The following PLPP5 variants were observed in gnomAD, a reference collection of about 807,000 sequenced individuals.
PLPP5 encodes the protein diacylglycerol pyrophosphate like 1.
In PLPP5, 29 loss-of-function variants were observed where a neutral mutation model predicts 23.6. The observed-to-expected ratio is 1.23, with a 90% CI of 0.92 to 1.68. PLPP5 has a LOEUF of 1.68. Ranked by LOEUF, PLPP5 falls within the 40% of genes most tolerant of loss-of-function variation. The pLI, the probability that PLPP5 is intolerant of heterozygous loss-of-function variation, is 0.00. For missense variants in PLPP5, 315 were observed against 332.1 expected (o/e 0.95, Z 0.40); for synonymous variants, 143 against 131.3 (o/e 1.09, Z -0.61).
At position 38,264,274 on chromosome 8, in the gene PLPP5, G is replaced by C; in HGVS notation, c.*170C>G. ...GCAATTCTCCTACCTCAGCCTCCCA[G>C]GTAGCTGGGATTACGGCACACAACT... is the stretch of plus-strand genomic sequence containing the variant. On this transcript the variant is annotated 3_prime_UTR_variant, in exon 7 of 7. Transcript: ENST00000424479. The C allele has an allele frequency of 1.4e-6, 1 of 731,904 alleles. No individual in the cohort carries two copies. The highest frequency in any genetic ancestry group is 1.9e-6 in the Non-Finnish European group (1 of 519,928). 45.3% of individuals were successfully genotyped at this position (731,904 alleles called of 1,614,324 possible). A position where few individuals can be genotyped will look rare whatever the true frequency, so the allele number is the denominator to read the frequency against.
intron 5 of PLPP5, chr8:38,266,906 C>T (rs1585809999): frequency 4.5e-6 from 2 of 444,348 alleles, no homozygotes; most frequent in East Asian, 6.8e-5. Context: ...CAATAGTCCC[C>T]ACCTCATTGG....
rs760550860 is a variant in PLPP5, at chr8:38,269,004, AAG to A, written c.75-16_75-15del. On this transcript the variant is annotated splice_polypyrimidine_tract_variant and intron_variant, in intron 1 of 6. Coordinates refer to ENST00000424479, the MANE Select transcript of PLPP5 (RefSeq NM_001102559.2). ...AGCTCCGTCACCCTAGAGGGGAACA[AAG>A]AAGCGCAGAGCAGGTCGCCTGGCTT... 6.4e-7 allele frequency: 1 copy of A among 1,571,532 alleles called. No individual in the cohort carries two copies. Among genetic ancestry groups the A allele is most frequent in the South Asian group, 1.2e-5 (1 of 86,766 alleles).
Position 38,264,231 on chromosome 8 carries a change from T to A in PLPP5, c.*213A>T. On this transcript the variant is annotated 3_prime_UTR_variant, in exon 7 of 7. Coordinates refer to ENST00000424479, the MANE Select transcript of PLPP5 (RefSeq NM_001102559.2). ...GGTGCGATCTCGGCTCACTGGAACC[T>A]CCAGCTCCCAGGTTCAAGCAATTCT... 1 of 839,218 alleles carries A rather than the reference T, an allele frequency of 1.2e-6. No homozygotes were observed. The highest frequency in any genetic ancestry group is 1.6e-6 in the Non-Finnish European group (1 of 636,072). The allele number at this position is 839,218 out of a possible 1,614,324, so 52.0% of individuals were successfully genotyped here.
chr8:38,266,548 G>A (rs1288916168), intron 5 of PLPP5: 1 of 400,100 alleles, frequency 2.5e-6, no homozygotes, highest in Non-Finnish European at 4.5e-6. Context: ...CTCCATGTGT[G>A]TGCCACCATG....
Position 38,267,299 on chromosome 8 carries a change from C to T in PLPP5, c.431G>A (p.Gly144Asp), listed in dbSNP as rs764902567. The T allele has an allele frequency of 6.2e-7, 1 of 1,613,984 alleles. No homozygotes were observed. The highest frequency in any genetic ancestry group is 1.1e-5 in the South Asian group (1 of 91,078). Reference sequence around the variant, plus strand: ...ATGTCCACTGGGGAAGCTCTTTCGGCCCTCATTCACCACGTCCTTATCCCC... The same window carrying T: ...ATGTCCACTGGGGAAGCTCTTTCGGTCCTCATTCACCACGTCCTTATCCCC... ...CTGDKDVVNE[G>D]RKSFPSGHSS... is the part of the protein sequence containing the mutation. Residue 144 changes from glycine to aspartate, a missense_variant, in exon 5 of 7, where the codon GGC becomes GAC. Physicochemically the swap from Gly to Asp is moderately conservative, Grantham distance 94. Transcript: ENST00000424479.
Position 38,264,553 on chromosome 8 carries a change from C to T in PLPP5, c.686G>A (p.Arg229Gln), listed in dbSNP as rs145636692. 67 of 1,581,560 alleles carry T rather than the reference C, an allele frequency of 4.2e-5. No homozygotes were observed. The East Asian group carries it at 1.3e-3, about 31-fold the overall frequency. Residue 229 changes from arginine to glutamine, a missense_variant, in exon 7 of 7, where the codon CGG (arginine) becomes CAG (glutamine). Arg to Gln is a conservative substitution (Grantham distance 43). Coordinates refer to ENST00000424479, the MANE Select transcript of PLPP5 (RefSeq NM_001102559.2). The part of the protein sequence containing the change: ...IGMTFAYVCY[R>Q]QYYPPLTDAE... ...ATCAGTCAGAGGAGGATAATACTGCCGATAGCAGACATAGGCAAATGTCAT... is the reference window on the plus strand; with the variant it reads ...ATCAGTCAGAGGAGGATAATACTGCTGATAGCAGACATAGGCAAATGTCAT...
intron 2 of PLPP5, 191 bp from the exon 3 acceptor site, chr8:38,268,652 G>A: frequency 7.0e-7 from 1 of 1,435,242 alleles, no homozygotes; most frequent in Non-Finnish European, 9.1e-7. Context: ...GGTACCTCAG[G>A]CTGAGGCACA....
chr8:38,268,916 AC>A lies in PLPP5; in HGVS notation c.148del (p.Val50TrpfsTer22). 1 of 1,559,306 alleles carries A rather than the reference AC, an allele frequency of 6.4e-7. No individual in the cohort carries two copies. Among genetic ancestry groups the A allele is most frequent in the Non-Finnish European group, 8.6e-7 (1 of 1,157,672 alleles). ...EEMWLYRNPYVEAEYFPTKPM... is the reference protein window; with the variant it reads ...EEMWLYRNPYXEAEYFPTKPM... ...CTTGGTGGGGAAATACTCCGCCTCC[AC>A]GTAGGGGTTCCGGTAGAGCCACATC... On this transcript the variant is annotated frameshift_variant, in exon 2 of 7. Transcript: ENST00000424479. LOFTEE classifies it high-confidence loss of function.
At chr8:38,267,213 T>TA in intron 5 of PLPP5, 54 bp downstream of exon 5, 3 of 1,613,578 alleles carry the variant, frequency 1.9e-6, no homozygotes, top group Non-Finnish European at 2.5e-6. Flanking sequence ...CTTTCTAGGT[T>TA]AAATTCAATG....
chr8:38,267,310 C>T lies in PLPP5; in HGVS notation c.420G>A (p.Val140=), dbSNP rs1227047301. The part of the protein sequence containing the change: ...SDLMCTGDKD[V]VNEGRKSFPS... ...GGAAGCTCTTTCGGCCCTCATTCAC[C>T]ACGTCCTTATCCCCTGTACACATCA... The change falls in exon 5 of 7, where the codon GTG becomes GTA. Residue 140 remains valine (V), a synonymous_variant. Transcript: ENST00000424479. 2.5e-6 allele frequency: 4 copies of T among 1,613,878 alleles called. No individual in the cohort carries two copies. Among genetic ancestry groups the T allele is most frequent in the Non-Finnish European group, 1.7e-6 (2 of 1,179,898 alleles).
At position 38,268,900 on chromosome 8, in the gene PLPP5, G is replaced by T. The variant is rs374355931; in HGVS notation, c.165C>A (p.Phe55Leu). 2 of 1,557,106 alleles carry T rather than the reference G, an allele frequency of 1.3e-6. No homozygotes were observed. Among genetic ancestry groups the T allele is most frequent in the South Asian group, 2.4e-5 (2 of 83,792 alleles). Residue 55 changes from phenylalanine (F) to leucine (L), a missense_variant, in exon 2 of 7, where the codon TTC (phenylalanine) becomes TTA (leucine). Physicochemically the swap from Phe to Leu is conservative, Grantham distance 22. Transcript: ENST00000424479. ...CACGCACAAACATCGGCTTGGTGGG[G>T]AAATACTCCGCCTCCACGTAGGGGT... Reference protein sequence around the residue: ...YRNPYVEAEYFPTKPMFVIAF... With the variant: ...YRNPYVEAEYLPTKPMFVIAF...
At chr8:38,268,577 G>A in intron 2 of PLPP5, 116 bp from the exon 3 acceptor site, 1 of 1,469,116 alleles carries the variant, frequency 6.8e-7, no homozygotes. Flanking sequence ...AGGTCTCTGA[G>A]TGCGCGTAAC....
chr8:38,266,004 T>C, intron 6 of PLPP5, 137 bp downstream of exon 6: 1 of 629,394 alleles, frequency 1.6e-6, no homozygotes, highest in Non-Finnish European at 2.6e-6. Context: ...TAAATGTACT[T>C]AGTACAGAAC....
At chr8:38,265,031 G>A in intron 6 of PLPP5, 2 of 938,324 alleles carry the variant, frequency 2.1e-6, no homozygotes, top group East Asian at 4.8e-5. Flanking sequence ...CACTTTGGGA[G>A]GACCAGGCAG....
Position 38,264,704 on chromosome 8 carries a change from GT to G in PLPP5, c.635-101del, listed in dbSNP as rs1807312272. On this transcript the variant is annotated intron_variant, in intron 6 of 6. Transcript: ENST00000424479. ...ACCTGGCCCTCCAGGATACTCTACTGTGGGGCTAAAATAACCTCAATTCCAG... is the reference window on the plus strand; with the variant it reads ...ACCTGGCCCTCCAGGATACTCTACTGGGGGCTAAAATAACCTCAATTCCAG... The G allele has an allele frequency of 1.3e-5, 18 of 1,433,314 alleles. No homozygotes were observed. In the Admixed American group the frequency reaches 1.4e-4, roughly 11 times the overall value. The allele number at this position is 1,433,314 out of a possible 1,614,324, so 88.8% of individuals were successfully genotyped here.
rs757561403 is a variant in PLPP5 at position 38,267,870 on chromosome 8, C to T, written c.338+27G>A. On this transcript the variant is annotated intron_variant, in intron 4 of 6. Coordinates refer to ENST00000424479, the MANE Select transcript of PLPP5 (RefSeq NM_001102559.2). ...TGGTGGGTAAGGGCTGAGGCAGATG[C>T]TGGGGTGGTTAGCTGTTGTCACTTA... The T allele has an allele frequency of 5.6e-6, 9 of 1,610,504 alleles. No individual in the cohort carries two copies. In the African/African-American group the frequency reaches 6.7e-5, roughly 12 times the overall value.
chr8:38,266,008 A>T lies in PLPP5; in HGVS notation c.634+133T>A, dbSNP rs1807529322. The T allele has an allele frequency of 4.4e-5, 32 of 730,162 alleles. No homozygotes were observed. In the South Asian group the frequency reaches 7.9e-4, roughly 18 times the overall value. The allele number at this position is 730,162 out of a possible 1,614,324, so 45.2% of individuals were successfully genotyped here. A position where few individuals can be genotyped will look rare whatever the true frequency, so the allele number is the denominator to read the frequency against. On this transcript the variant is annotated intron_variant, in intron 6 of 6. Transcript: ENST00000424479. Reference sequence around the variant, plus strand: ...TCCTATAATTTTAAATGTACTTAGTACAGAACCCAGACCATCCATACTCAT... The same window carrying T: ...TCCTATAATTTTAAATGTACTTAGTTCAGAACCCAGACCATCCATACTCAT...
chr8:38,266,984 C>T (rs1220311219), intron 5 of PLPP5: 7 of 1,255,920 alleles, frequency 5.6e-6, no homozygotes, highest in Non-Finnish European at 7.2e-6. Context: ...AGAAACTCTT[C>T]GTTAAAGGTA....
intron 6 of PLPP5, chr8:38,264,987 C>G (rs72644712): frequency 1.4e-6 from 2 of 1,448,654 alleles, no homozygotes; most frequent in Non-Finnish European, 1.9e-6. Flanking sequence ...AGTTGCTTCT[C>G]GCCGGGCACG....
Sources: gnomAD v4.1 joint callset for allele counts on GRCh38, gnomAD v4.1.1 for gene constraint, MANE v1.5 for transcripts, NCBI Gene and HGNC (gene_info 2026-07-23, HGNC 2026-07-21) for gene names.